Variants in CCDC73 observed in about 807,000 individuals in gnomAD.
CCDC73 encodes the protein coiled-coil domain-containing protein 73.
A neutral mutation model predicts 116.5 loss-of-function variants in CCDC73; 95 were observed. The observed-to-expected ratio is 0.82, with a 90% CI of 0.69 to 0.97. CCDC73 has a LOEUF of 0.97. CCDC73 is among the 50% of genes least tolerant of loss of function. The probability of loss-of-function intolerance (pLI) is 0.00; values close to 1 mark genes in which losing one functional copy is unlikely to be tolerated. For synonymous variants in CCDC73, 398 were observed against 401.3 expected (o/e 0.99, Z 0.10); for missense variants, 1,066 against 1,206.8 (o/e 0.88, Z 1.73).
At chr11:32,799,968 C>T in the CCDC73 span, among the ~76,000 whole-genome samples, 5 of 152,142 alleles carry the variant, frequency 3.3e-5, no homozygotes, top group African/African-American at 7.2e-5. Flanking sequence ...GTAACCTCAG[C>T]GCAGTGCTTG....
At chr11:32,766,319 G>A (rs956776095) in intron 1 of CCDC73, among the ~76,000 whole-genome samples, 1 of 152,058 alleles carries the variant, frequency 6.6e-6, no homozygotes, top group Non-Finnish European at 1.5e-5. Flanking sequence ...AAAATAATAA[G>A]AGCTATTTAT....
intron 1 of CCDC73, among the ~76,000 whole-genome samples, chr11:32,783,576 T>C (rs1234704786): frequency 6.6e-6 from 1 of 152,208 alleles, no homozygotes; most frequent in Non-Finnish European, 1.5e-5. Context: ...GAGGTCCTGC[T>C]TCCTGTGTCC....
At chr11:32,658,297 T>C (rs1387379724) in intron 9 of CCDC73, among the ~76,000 whole-genome samples, 1 of 152,184 alleles carries the variant, frequency 6.6e-6, no homozygotes, top group African/African-American at 2.4e-5. Context: ...CCGTGCCACC[T>C]CTTTCCTGGT....
At chr11:32,721,039 GAC>G (rs1849985357) in intron 2 of CCDC73, among the ~76,000 whole-genome samples, 2 of 151,970 alleles carry the variant, frequency 1.3e-5, no homozygotes, top group African/African-American at 4.8e-5. Flanking sequence ...TATTTTTTGA[GAC>G]ACAGTCTCGC....
At chr11:32,679,196 T>C (rs1590589718) in intron 7 of CCDC73, among the ~76,000 whole-genome samples, 1 of 152,158 alleles carries the variant, frequency 6.6e-6, no homozygotes, top group East Asian at 1.9e-4. Context: ...GGGTAGTTAC[T>C]ATTATTAGTA....
At position 32,688,400 on chromosome 11, in the gene CCDC73, C is replaced by A. The variant is rs115257511; in HGVS notation, c.391-4826G>T. 3.5e-3 allele frequency among the ~76,000 whole-genome samples: 538 copies of A among 152,218 alleles called. 6 individuals carry two copies. Among genetic ancestry groups the A allele is most frequent in the African/African-American group, 0.012 (519 of 41,548 alleles). ...GAGTGTCAAAGTTATAAAATTCAAC[C>A]AAAGACTAGGAAAGTCTTCCAGACT... On this transcript the variant is annotated intron_variant, in intron 6 of 17. Transcript: ENST00000335185.
chr11:32,798,006 C>T (rs1321442551), upstream of CCDC73, among the ~76,000 whole-genome samples: 1 of 152,162 alleles, frequency 6.6e-6, no homozygotes, highest in Non-Finnish European at 1.5e-5. Context: ...GTTTCATGCA[C>T]AAAGTTATTA....
At chr11:32,630,367 T>C (rs112715746) in intron 14 of CCDC73, among the ~76,000 whole-genome samples, 4 of 150,912 alleles carry the variant, frequency 2.7e-5, no homozygotes, top group Admixed American at 6.6e-5. Context: ...GAGAGGGAGA[T>C]GGAGTCTCGC....
intron 1 of CCDC73, among the ~76,000 whole-genome samples, chr11:32,789,319 C>A (rs1461192928): frequency 6.6e-6 from 1 of 152,130 alleles, no homozygotes. Flanking sequence ...CAAGTGTAAA[C>A]CTGACCTTGT....
chr11:32,616,008 G>A lies in CCDC73; in HGVS notation c.1307C>T (p.Ser436Leu), dbSNP rs761599098. 4 of 1,600,580 alleles carry A rather than the reference G, an allele frequency of 2.5e-6. No individual in the cohort carries two copies. The highest frequency in any genetic ancestry group is 3.4e-6 in the Non-Finnish European group (4 of 1,173,038). ...TTCTTTTTCTCTGTATTCAGTATCT[G>A]AACAAAAATTCTCCATATTTTCTTC... ...IREENMENFCSDTEYREKEEK... is the reference protein window; with the variant it reads ...IREENMENFCLDTEYREKEEK... The change falls in exon 15 of 18, where the codon TCA becomes TTA. Residue 436 changes from serine (S) to leucine (L), a missense_variant. Physicochemically the swap from Ser to Leu is moderately radical, Grantham distance 145. Transcript: ENST00000335185.
chr11:32,825,220 T>C, the CCDC73 span, among the ~76,000 whole-genome samples: 1 of 150,318 alleles, frequency 6.7e-6, no homozygotes, highest in African/African-American at 2.4e-5. Flanking sequence ...TATTTCCTAA[T>C]AGAACTTCCA....
intron 7 of CCDC73, among the ~76,000 whole-genome samples, chr11:32,678,026 C>T (rs1856107230): frequency 6.7e-6 from 1 of 149,746 alleles, no homozygotes; most frequent in Non-Finnish European, 1.5e-5. Flanking sequence ...GGCCTGTAAT[C>T]CCAGCACTTT....
chr11:32,757,593 C>T (rs144638528), intron 2 of CCDC73, among the ~76,000 whole-genome samples: 7 of 152,146 alleles, frequency 4.6e-5, no homozygotes, highest in African/African-American at 7.2e-5. Context: ...ATCTGCAGGG[C>T]GGCATACCTT....
At chr11:32,716,414 T>C (rs1293418774) in intron 3 of CCDC73, among the ~76,000 whole-genome samples, 1 of 152,220 alleles carries the variant, frequency 6.6e-6, no homozygotes, top group East Asian at 1.9e-4. Context: ...ATTTTAATTA[T>C]GACAGCTTTA....
chr11:32,626,432 C>A (rs982580930), intron 14 of CCDC73, among the ~76,000 whole-genome samples: 53 of 152,090 alleles, frequency 3.5e-4, no homozygotes, highest in Non-Finnish European at 4.0e-4. Context: ...ATGCCATCCC[C>A]ATCAAGCTAC....
upstream of CCDC73, among the ~76,000 whole-genome samples, chr11:32,799,365 T>A (rs1350621555): frequency 6.6e-6 from 1 of 151,954 alleles, no homozygotes; most frequent in African/African-American, 2.4e-5. Context: ...GTGCTGGGAT[T>A]ACAGGCATGA....
intron 9 of CCDC73, among the ~76,000 whole-genome samples, chr11:32,663,026 T>C (rs536532223): frequency 3.8e-4 from 58 of 152,290 alleles, no homozygotes; most frequent in African/African-American, 1.3e-3. Flanking sequence ...CTGAGGGCTC[T>C]GTTCTGTTCC....
At chr11:32,746,573 T>C (rs1281250278) in intron 2 of CCDC73, among the ~76,000 whole-genome samples, 2 of 152,232 alleles carry the variant, frequency 1.3e-5, no homozygotes, top group African/African-American at 4.8e-5. Flanking sequence ...CAATCAAACG[T>C]AGATTTGGTC....
intron 9 of CCDC73, among the ~76,000 whole-genome samples, chr11:32,662,959 T>G (rs181896731): frequency 0.049 from 7,415 of 152,204 alleles, 208 homozygotes; most frequent in East Asian, 0.12. Context: ...TTTCCCCATT[T>G]CTTGTTTTTG....
Sources: allele counts gnomAD v4.1 joint callset (sites outside exome capture counted in the v4.1 genomes callset), GRCh38; gene constraint gnomAD v4.1.1; transcripts MANE v1.5; gene names NCBI Gene and HGNC (gene_info 2026-07-23, HGNC 2026-07-21).